CFI: variants seen among roughly 807,000 people sequenced by gnomAD.
The protein encoded by CFI is C3B/C4B inactivator.
A neutral mutation model predicts 78.8 loss-of-function variants in CFI; 66 were observed. The ratio of observed to expected loss-of-function variants is 0.84; its 90% CI spans 0.69 to 1.03. The LOEUF is 1.03. CFI is among the 50% of genes least tolerant of loss of function. CFI has a pLI of 0.00. For missense variants in CFI, 706 were observed against 704.5 expected, an observed-to-expected ratio of 1.00 and a Z score of -0.02; for synonymous variants, 250 against 232.6, an observed-to-expected ratio of 1.07 and a Z score of -0.68.
downstream of CFI, among the ~76,000 whole-genome samples, chr4:109,736,740 C>T (rs955120874): frequency 3.9e-5 from 6 of 152,146 alleles, no homozygotes; most frequent in African/African-American, 7.2e-5. Flanking sequence ...GGACAGAGTC[C>T]GTATGTAGTT....
chr4:109,774,130 A>G (rs185460817), intron 1 of CFI, among the ~76,000 whole-genome samples: 75 of 152,350 alleles, frequency 4.9e-4, no homozygotes, highest in African/African-American at 1.5e-3. Context: ...TATTCATACA[A>G]TATTTATTGA....
At chr4:109,796,749 A>C (rs2125873724) in intron 1 of CFI, among the ~76,000 whole-genome samples, 1 of 152,330 alleles carries the variant, frequency 6.6e-6, no homozygotes, top group South Asian at 2.1e-4. Flanking sequence ...AGTGGGCTAT[A>C]ATTTGCCATT....
At chr4:109,791,558 G>A (rs973853806) in intron 1 of CFI, among the ~76,000 whole-genome samples, 1 of 152,008 alleles carries the variant, frequency 6.6e-6, no homozygotes, top group Admixed American at 6.6e-5. Context: ...GTCTTCCAGG[G>A]TTTTCATAGT....
At chr4:109,766,343 A>G (rs1727745431) in intron 2 of CFI, among the ~76,000 whole-genome samples, 1 of 152,094 alleles carries the variant, frequency 6.6e-6, no homozygotes, top group South Asian at 2.1e-4. Context: ...GAAGGTCTGG[A>G]CTCAGCATCC....
At chr4:109,735,037 G>T in the CFI span, among the ~76,000 whole-genome samples, 3 of 151,920 alleles carry the variant, frequency 2.0e-5, no homozygotes, top group African/African-American at 7.3e-5. Flanking sequence ...CTGTACCCTC[G>T]AACTCTTGGG....
chr4:109,801,246 C>A (rs1171467898), intron 1 of CFI, among the ~76,000 whole-genome samples: 2 of 152,198 alleles, frequency 1.3e-5, no homozygotes, highest in African/African-American at 2.4e-5. Flanking sequence ...GGGCCTAGTG[C>A]ATTGCTGCCT....
downstream of CFI, among the ~76,000 whole-genome samples, chr4:109,739,215 A>C (rs527286525): frequency 3.9e-5 from 6 of 152,296 alleles, no homozygotes; most frequent in South Asian, 8.3e-4. Flanking sequence ...CCTAAATAAA[A>C]TAATAAAGGG....
At chr4:109,757,436 G>A (rs2126209383) in intron 7 of CFI, among the ~76,000 whole-genome samples, 1 of 152,292 alleles carries the variant, frequency 6.6e-6, no homozygotes, top group Non-Finnish European at 1.5e-5. Flanking sequence ...ATGAAAAGAT[G>A]TTATCTTTAT....
intron 7 of CFI, among the ~76,000 whole-genome samples, chr4:109,756,696 C>T (rs917291525): frequency 6.6e-6 from 1 of 151,360 alleles, no homozygotes; most frequent in Non-Finnish European, 1.5e-5. Flanking sequence ...CCCATCTCCA[C>T]TAAAAATACA....
At chr4:109,766,033 G>A (rs1727702159) in intron 2 of CFI, among the ~76,000 whole-genome samples, 1 of 152,086 alleles carries the variant, frequency 6.6e-6, no homozygotes, top group African/African-American at 2.4e-5. Flanking sequence ...CAGGAGAATG[G>A]CATGAACCCG....
rs1315405465 is a variant in CFI at position 109,757,795 on chromosome 4, A to G, written c.884-12T>C. 2.8e-6 allele frequency: 4 copies of G among 1,445,282 alleles called. No individual in the cohort carries two copies. The highest frequency in any genetic ancestry group is 1.8e-4 in the Middle Eastern group (1 of 5,626). The allele number at this position is 1,445,282 out of a possible 1,614,324, so 89.5% of individuals were successfully genotyped here. A position where few individuals can be genotyped will look rare whatever the true frequency, so the allele number is the denominator to read the frequency against. ...CACAGATGCAAAGCCTGAAGAAAAC[A>G]AAAACAAAAAATTTATCAAAGGATA... On this transcript the variant is annotated splice_polypyrimidine_tract_variant and intron_variant, in intron 6 of 12. Coordinates refer to ENST00000394634, the MANE Select transcript of CFI (RefSeq NM_000204.5).
At chr4:109,768,334 TAAAAAAAAAA>T (rs756365540) in intron 1 of CFI, among the ~76,000 whole-genome samples, 1 of 63,180 alleles carries the variant, frequency 1.6e-5, no homozygotes, top group Non-Finnish European at 2.9e-5. Context: ...GAAGAAATCC[TAAAAAAAAAA>T]AAAAAAAAAG....
At chr4:109,752,433 T>C (rs754138107) in intron 8 of CFI, 35 bp downstream of exon 8, 13 of 1,607,284 alleles carry the variant, frequency 8.1e-6, no homozygotes, top group Non-Finnish European at 9.4e-6. Flanking sequence ...CCTAAACCAG[T>C]GAGCCACCAA....
intron 1 of CFI, among the ~76,000 whole-genome samples, chr4:109,781,042 A>T (rs999345140): frequency 6.6e-6 from 1 of 152,184 alleles, no homozygotes; most frequent in African/African-American, 2.4e-5. Flanking sequence ...GATATACCTA[A>T]TGTACATGAC....
intron 1 of CFI, among the ~76,000 whole-genome samples, 156 bp from the exon 2 acceptor site, chr4:109,766,980 A>G (rs904488780): frequency 1.3e-5 from 2 of 152,232 alleles, no homozygotes; most frequent in African/African-American, 2.4e-5. Flanking sequence ...AATGCCGCAT[A>G]TCTACAACCA....
chr4:109,748,279 C>T (rs2126189426), intron 10 of CFI, among the ~76,000 whole-genome samples: 1 of 152,242 alleles, frequency 6.6e-6, no homozygotes, highest in East Asian at 1.9e-4. Flanking sequence ...TCAACAAATA[C>T]TTAGTGTGAA....
intron 8 of CFI, among the ~76,000 whole-genome samples, chr4:109,751,594 A>G (rs1252881338): frequency 6.6e-6 from 1 of 151,814 alleles, no homozygotes; most frequent in African/African-American, 2.4e-5. Context: ...GGCACCTGCT[A>G]CCATGTCTGG....
At chr4:109,768,237 C>G (rs542611071) in intron 1 of CFI, among the ~76,000 whole-genome samples, 1 of 121,134 alleles carries the variant, frequency 8.3e-6, no homozygotes, top group East Asian at 2.7e-4. Flanking sequence ...GCATATGTAA[C>G]TAACCTGCAC....
chr4:109,800,766 T>A (rs1217205999), intron 1 of CFI, among the ~76,000 whole-genome samples: 4 of 152,150 alleles, frequency 2.6e-5, no homozygotes, highest in Non-Finnish European at 4.4e-5. Flanking sequence ...TATATATGCA[T>A]ATAAACACAC....
Sources: gnomAD v4.1 joint callset for allele counts (sites outside exome capture counted in the v4.1 genomes callset) on GRCh38, gnomAD v4.1.1 for gene constraint, MANE v1.5 for transcripts, NCBI Gene and HGNC (gene_info 2026-07-23, HGNC 2026-07-21) for gene names.